The following GABBR2 variants were observed in gnomAD, a reference collection of about 807,000 sequenced individuals.
The protein encoded by GABBR2 is G-protein coupled receptor 51.
A neutral mutation model predicts 105.6 loss-of-function variants in GABBR2; 23 were observed. The observed-to-expected ratio is 0.22, with a 90% CI of 0.16 to 0.31. The LOEUF (loss-of-function observed/expected upper bound fraction) is 0.31, where lower values mean the gene tolerates loss of function less well. Ranked by LOEUF, GABBR2 falls within the 10% of genes least tolerant of loss-of-function variation. GABBR2 has a pLI of 1.00. For synonymous variants in GABBR2, 478 were observed against 499.7 expected (o/e 0.96, Z 0.58); for missense variants, 734 against 1,245.5 (o/e 0.59, Z 6.18).
At chr9:98,584,156 C>T (rs1188897302) in intron 1 of GABBR2, among the ~76,000 whole-genome samples, 1 of 152,034 alleles carries the variant, frequency 6.6e-6, no homozygotes, top group Non-Finnish European at 1.5e-5. Flanking sequence ...CCACCGGAAA[C>T]CCCACTCACT....
chr9:98,401,921 C>T (rs751939178), intron 8 of GABBR2, among the ~76,000 whole-genome samples: 2 of 152,130 alleles, frequency 1.3e-5, no homozygotes, highest in Non-Finnish European at 2.9e-5. Context: ...TCAGGAAATG[C>T]GCACTGAATA....
chr9:98,304,684 G>A (rs545476383), intron 15 of GABBR2, among the ~76,000 whole-genome samples: 2 of 152,294 alleles, frequency 1.3e-5, no homozygotes, highest in South Asian at 4.1e-4. Flanking sequence ...GGACCCAGAT[G>A]ATCTTTCCTC....
chr9:98,322,452 GTC>G (rs1315754066), intron 13 of GABBR2, among the ~76,000 whole-genome samples: 1 of 151,980 alleles, frequency 6.6e-6, no homozygotes, highest in Admixed American at 6.6e-5. Context: ...CTGGTCTCCT[GTC>G]TCTTCCCAAC....
chr9:98,444,171 C>A (rs1826080134), intron 7 of GABBR2, among the ~76,000 whole-genome samples: 2 of 152,126 alleles, frequency 1.3e-5, no homozygotes, highest in South Asian at 4.1e-4. Flanking sequence ...TTATCAGGCA[C>A]CTACTATGTC....
intron 1 of GABBR2, among the ~76,000 whole-genome samples, chr9:98,593,342 C>T (rs2808539): frequency 0.46 from 69,613 of 151,942 alleles, 16,471 homozygotes; most frequent in East Asian, 0.67. Context: ...GGGACGACGA[C>T]CCTGGCAGCC....
At chr9:98,489,802 C>T (rs987861783) in intron 4 of GABBR2, among the ~76,000 whole-genome samples, 2 of 152,154 alleles carry the variant, frequency 1.3e-5, no homozygotes, top group African/African-American at 4.8e-5. Context: ...GATTCAAAAG[C>T]CCCTGTTATG....
chr9:98,359,801 G>A (rs1831551383), intron 13 of GABBR2, among the ~76,000 whole-genome samples: 1 of 152,218 alleles, frequency 6.6e-6, no homozygotes, highest in African/African-American at 2.4e-5. Context: ...CTGTGTGGAG[G>A]CTGGCTGAGA....
intron 13 of GABBR2, among the ~76,000 whole-genome samples, chr9:98,338,119 A>T (rs1831147986): frequency 6.6e-6 from 1 of 152,234 alleles, no homozygotes; most frequent in African/African-American, 2.4e-5. Context: ...ACAAAAACTA[A>T]CTCAGAATGG....
intron 18 of GABBR2, 126 bp downstream of exon 18, chr9:98,293,659 C>A: frequency 1.6e-6 from 1 of 627,806 alleles, no homozygotes; most frequent in Admixed American, 2.5e-5. Flanking sequence ...AATTGGACTG[C>A]ATCATGGGAT....
At chr9:98,645,983 G>A (rs537077547) in intron 1 of GABBR2, among the ~76,000 whole-genome samples, 2 of 152,300 alleles carry the variant, frequency 1.3e-5, no homozygotes, top group South Asian at 2.1e-4. Flanking sequence ...CTAGCAAACA[G>A]CAGGCCAGGA....
intron 7 of GABBR2, among the ~76,000 whole-genome samples, chr9:98,418,614 T>C (rs1046196371): frequency 2.0e-5 from 3 of 152,056 alleles, no homozygotes; most frequent in Non-Finnish European, 2.9e-5. Context: ...TATGTATATA[T>C]GTAAATGGGA....
chr9:98,606,494 T>TC (rs1300562938), intron 1 of GABBR2, among the ~76,000 whole-genome samples: 1 of 131,132 alleles, frequency 7.6e-6, no homozygotes, highest in African/African-American at 2.7e-5. Context: ...TTTTTTTTTT[T>TC]TTTTGAGATG....
chr9:98,321,749 C>T (rs1334272440), intron 13 of GABBR2, among the ~76,000 whole-genome samples: 6 of 152,218 alleles, frequency 3.9e-5, no homozygotes, highest in African/African-American at 1.4e-4. Context: ...TCAATTAAAC[C>T]CGGAGAAGAA....
chr9:98,349,238 T>A (rs541531180), intron 13 of GABBR2, among the ~76,000 whole-genome samples: 1 of 152,242 alleles, frequency 6.6e-6, no homozygotes, highest in South Asian at 2.1e-4. Context: ...TTTATTGATC[T>A]GTTTACGTTG....
intron 2 of GABBR2, among the ~76,000 whole-genome samples, chr9:98,566,822 G>A (rs1312517543): frequency 4.9e-5 from 5 of 102,662 alleles, no homozygotes; most frequent in African/African-American, 1.5e-4. Context: ...AAAAAAAAAA[G>A]GCGACAAAGA....
chr9:98,471,233 G>A (rs757598718), intron 6 of GABBR2, among the ~76,000 whole-genome samples: 6 of 152,262 alleles, frequency 3.9e-5, no homozygotes, highest in African/African-American at 9.6e-5. Context: ...AAGACCATGC[G>A]GACAGGGATT....
intron 1 of GABBR2, among the ~76,000 whole-genome samples, chr9:98,630,448 CCTGGCATCAGGTGACTGACACAGGCA>C (rs1164736720): frequency 1.3e-5 from 2 of 152,240 alleles, no homozygotes; most frequent in East Asian, 3.9e-4. Flanking sequence ...GCTGTGGATA[CCTGGCATCAGGTGACTGACACAGGCA>C]TTGTGAGGAC....
At chr9:98,457,221 G>A (rs1012583923) in intron 6 of GABBR2, among the ~76,000 whole-genome samples, 14 of 152,206 alleles carry the variant, frequency 9.2e-5, no homozygotes, top group Admixed American at 8.5e-4. Context: ...GGTTGGTGGT[G>A]TCCATTTTTG....
At chr9:98,503,519 G>A (rs1329088706) in intron 3 of GABBR2, among the ~76,000 whole-genome samples, 1 of 152,110 alleles carries the variant, frequency 6.6e-6, no homozygotes, top group African/African-American at 2.4e-5. Context: ...GGCAGGGAGG[G>A]GCTCCAGCAA....
Sources: allele counts gnomAD v4.1 joint callset (sites outside exome capture counted in the v4.1 genomes callset), GRCh38; gene constraint gnomAD v4.1.1; transcripts MANE v1.5; gene names NCBI Gene and HGNC (gene_info 2026-07-23, HGNC 2026-07-21).